Variants in MPDZ observed in about 807,000 individuals in gnomAD.
MPDZ encodes multiple PDZ domain crumbs cell polarity complex component, also known as multiple PDZ domain protein.
MPDZ carries 234 observed loss-of-function variants against 239.1 expected under a neutral mutation model. The ratio of observed to expected loss-of-function variants is 0.98; its 90% CI spans 0.88 to 1.09. MPDZ has a LOEUF of 1.09. Among genes scored for constraint, MPDZ ranks in the 50% least tolerant of loss-of-function variants. The pLI, the probability that MPDZ is intolerant of heterozygous loss-of-function variation, is 0.00. For missense variants in MPDZ, 3,175 were observed against 2,510.0 expected, an observed-to-expected ratio of 1.26 and a Z score of -5.66; for synonymous variants, 1,048 against 881.3, an observed-to-expected ratio of 1.19 and a Z score of -3.35.
In MPDZ at chr9:13,132,645, T is replaced by C. The variant is rs183340775; in HGVS notation, c.4464+1179A>G. 2.6e-5 allele frequency among the ~76,000 whole-genome samples: 4 copies of C among 152,192 alleles called. No individual in the cohort carries two copies. In the South Asian group the frequency reaches 8.3e-4, roughly 31 times the overall value. The stretch of plus-strand genomic sequence containing the variant: ...AATAATAGCAAGCACTATTTGTATA[T>C]GTGTGCCAGGTGCTGGAAACTGAAC... On this transcript the variant is annotated intron_variant, in intron 32 of 46. Transcript: ENST00000319217.
chr9:13,247,324 TG>T, intron 3 of MPDZ, among the ~76,000 whole-genome samples: 1 of 152,318 alleles, frequency 6.6e-6, no homozygotes, highest in African/African-American at 2.4e-5. Flanking sequence ...TCAGTGATGA[TG>T]GAAACTAAGT....
At chr9:13,188,697 A>T in intron 17 of MPDZ, 87 bp downstream of exon 17, 1 of 1,133,100 alleles carries the variant, frequency 8.8e-7, no homozygotes, top group Non-Finnish European at 1.3e-6. Flanking sequence ...TCACGATTCA[A>T]TCATGAGAAC....
intron 26 of MPDZ, among the ~76,000 whole-genome samples, chr9:13,146,519 CAT>C (rs1948456209): frequency 6.6e-6 from 1 of 152,004 alleles, no homozygotes; most frequent in Non-Finnish European, 1.5e-5. Flanking sequence ...ACTTCCCTCA[CAT>C]ATGTTGATAT....
At chr9:13,136,236 TCTTA>T in intron 30 of MPDZ, 54 bp from the exon 31 acceptor site, 1 of 1,236,832 alleles carries the variant, frequency 8.1e-7, no homozygotes, top group East Asian at 2.5e-5. Flanking sequence ...ATTTTCATTC[TCTTA>T]CTTCAAGAGT....
chr9:13,223,942 G>A (rs1587926433), intron 4 of MPDZ, among the ~76,000 whole-genome samples: 1 of 151,924 alleles, frequency 6.6e-6, no homozygotes. Flanking sequence ...ACTGAGGCAG[G>A]AGAATCCCTT....
chr9:13,131,636 C>T (rs1007275093), intron 32 of MPDZ, among the ~76,000 whole-genome samples: 2 of 152,168 alleles, frequency 1.3e-5, no homozygotes, highest in Non-Finnish European at 2.9e-5. Flanking sequence ...TAACAAGTTT[C>T]AGCAAGAAAT....
intron 12 of MPDZ, among the ~76,000 whole-genome samples, chr9:13,201,354 T>A (rs1389283565): frequency 8.5e-6 from 1 of 118,130 alleles, no homozygotes; most frequent in African/African-American, 2.7e-5. Flanking sequence ...GCTTTCAGTA[T>A]TTTTTTTTTT....
At chr9:13,115,452 T>G in intron 39 of MPDZ, 118 bp from the exon 40 acceptor site, 4 of 809,056 alleles carry the variant, frequency 4.9e-6, no homozygotes, top group Non-Finnish European at 8.2e-6. Flanking sequence ...TTTTGGAATT[T>G]CTATAAGCAA....
At chr9:13,138,390 T>A (rs1221899676) in intron 28 of MPDZ, among the ~76,000 whole-genome samples, 1 of 152,146 alleles carries the variant, frequency 6.6e-6, no homozygotes, top group Non-Finnish European at 1.5e-5. Context: ...GTCTGATTAA[T>A]CAGTTCACCT....
chr9:13,125,002 C>A (rs1316652710), intron 35 of MPDZ, among the ~76,000 whole-genome samples: 1 of 152,062 alleles, frequency 6.6e-6, no homozygotes, highest in Admixed American at 6.5e-5. Flanking sequence ...GATGCCACAG[C>A]TGCTTAATGT....
In MPDZ at chr9:13,123,135, C is replaced by A. The variant is rs1260405100; in HGVS notation, c.4953+18G>T. 3.7e-6 allele frequency: 6 copies of A among 1,607,780 alleles called. No individual in the cohort carries two copies. Among genetic ancestry groups the A allele is most frequent in the African/African-American group, 2.7e-5 (2 of 74,764 alleles). On this transcript the variant is annotated intron_variant, in intron 36 of 46. Transcript: ENST00000319217. Reference sequence around the variant, plus strand: ...CTGAAGGACGGCCTGTACAGAAGCACCTCTGGGTGGTGCTCACCAGCAGCG... The same window carrying A: ...CTGAAGGACGGCCTGTACAGAAGCAACTCTGGGTGGTGCTCACCAGCAGCG...
chr9:13,164,946 T>G (rs374289700), intron 22 of MPDZ, among the ~76,000 whole-genome samples: 1 of 151,394 alleles, frequency 6.6e-6, no homozygotes, highest in Non-Finnish European at 1.5e-5. Context: ...TATTTGAGAG[T>G]TGAATTAAAA....
chr9:13,236,267 A>AT (rs1158772302), intron 3 of MPDZ, among the ~76,000 whole-genome samples: 6 of 20,100 alleles, frequency 3.0e-4, no homozygotes, highest in East Asian at 2.6e-3. Flanking sequence ...ATATATATAT[A>AT]TTTTTTTTTT....
At chr9:13,183,675 TATC>T in intron 18 of MPDZ, 90 bp from the exon 19 acceptor site, 4 of 1,213,694 alleles carry the variant, frequency 3.3e-6, no homozygotes, top group Non-Finnish European at 4.7e-6. Context: ...GGCAAACTGG[TATC>T]ATTCTTTTAT....
At chr9:13,186,616 C>T (rs1451889740) in intron 17 of MPDZ, among the ~76,000 whole-genome samples, 1 of 151,988 alleles carries the variant, frequency 6.6e-6, no homozygotes. Flanking sequence ...ATATAAAAAT[C>T]ACCTGTTGGA....
intron 3 of MPDZ, among the ~76,000 whole-genome samples, chr9:13,244,020 A>T (rs1402116068): frequency 6.6e-6 from 1 of 152,204 alleles, no homozygotes; most frequent in African/African-American, 2.4e-5. Flanking sequence ...CTCTGTTGCC[A>T]TAGCTTTAAA....
In MPDZ at chr9:13,183,412, T is replaced by A. The variant is rs767226467; in HGVS notation, c.2649+6A>T. On this transcript the variant is annotated splice_donor_region_variant and intron_variant, in intron 19 of 46. Transcript: ENST00000319217. ...TATAAAAGAAAAATTGGCTTTTCCT[T>A]TGTACCTTAGGAGGAGATGATGGAA... 1 of 1,592,092 alleles carries A rather than the reference T, an allele frequency of 6.3e-7. No individual in the cohort carries two copies. Among genetic ancestry groups the A allele is most frequent in the Admixed American group, 1.9e-5 (1 of 53,912 alleles).
intron 13 of MPDZ, among the ~76,000 whole-genome samples, chr9:13,195,836 ATCCT>A (rs1564005372): frequency 6.6e-6 from 1 of 152,182 alleles, no homozygotes. Context: ...AATCAGAAAA[ATCCT>A]TCCTTGTGTC....
intron 1 of MPDZ, among the ~76,000 whole-genome samples, chr9:13,266,237 C>G (rs970769678): frequency 2.6e-5 from 4 of 152,194 alleles, no homozygotes; most frequent in Admixed American, 6.5e-5. Flanking sequence ...ACAAACTTCA[C>G]TCAGGAAAGA....
Sources: gnomAD v4.1 joint callset for allele counts (sites outside exome capture counted in the v4.1 genomes callset) on GRCh38, gnomAD v4.1.1 for gene constraint, MANE v1.5 for transcripts, NCBI Gene and HGNC (gene_info 2026-07-23, HGNC 2026-07-21) for gene names.